Variants in SETD5 observed in about 807,000 individuals in gnomAD.
The protein encoded by SETD5 is histone-lysine N-methyltransferase SETD5.
A neutral mutation model predicts 153.3 loss-of-function variants in SETD5; 44 were observed. The observed-to-expected ratio is 0.29, with a 90% CI of 0.23 to 0.37. The LOEUF is 0.37. SETD5 is among the 10% of genes least tolerant of loss of function. The probability of loss-of-function intolerance (pLI) is 1.00; values close to 1 mark genes in which losing one functional copy is unlikely to be tolerated. For synonymous variants in SETD5, 716 were observed against 645.2 expected (o/e 1.11, Z -1.66); for missense variants, 1,544 against 1,768.0 (o/e 0.87, Z 2.27).
chr3:9,475,254 T>G (rs1411190748), intron 22 of SETD5, 98 bp downstream of exon 22: 2 of 1,258,152 alleles, frequency 1.6e-6, no homozygotes, highest in Non-Finnish European at 2.2e-6. Flanking sequence ...TCTTTGCATA[T>G]AGTTTCAGCA....
At chr3:9,402,659 G>T (rs939113514) in intron 1 of SETD5, among the ~76,000 whole-genome samples, 3 of 152,108 alleles carry the variant, frequency 2.0e-5, no homozygotes, top group African/African-American at 7.2e-5. Context: ...AGCTTTCATG[G>T]CAGTATGAAG....
At chr3:9,437,595 TG>T (rs1267069523) in intron 7 of SETD5, among the ~76,000 whole-genome samples, 1 of 151,602 alleles carries the variant, frequency 6.6e-6, no homozygotes, top group Non-Finnish European at 1.5e-5. Context: ...AAATTATTAC[TG>T]GGGGCTTCAA....
intron 17 of SETD5, among the ~76,000 whole-genome samples, chr3:9,456,163 T>G (rs898748148): frequency 6.6e-6 from 1 of 152,054 alleles, no homozygotes; most frequent in Non-Finnish European, 1.5e-5. Context: ...TCCCCTTTAC[T>G]AACTATATGA....
At chr3:9,447,646 A>G in intron 14 of SETD5, 40 bp from the exon 15 acceptor site, 1 of 1,587,230 alleles carries the variant, frequency 6.3e-7, no homozygotes, top group East Asian at 2.2e-5. Context: ...TTTGCTGATA[A>G]AACATTTCTG....
chr3:9,454,177 G>A (rs1240823736), intron 17 of SETD5: 1 of 164,022 alleles, frequency 6.1e-6, no homozygotes, highest in Non-Finnish European at 1.3e-5. Flanking sequence ...CAAGAAAGTG[G>A]TGGAACACTA....
chr3:9,456,707 G>A (rs145918318), intron 17 of SETD5, among the ~76,000 whole-genome samples: 1 of 152,072 alleles, frequency 6.6e-6, no homozygotes, highest in East Asian at 1.9e-4. Flanking sequence ...GGGTGTGATG[G>A]CTCACGCCTG....
Position 9,462,809 on chromosome 3 carries a change from T to A in SETD5, c.2477-1616T>A, listed in dbSNP as rs944190931. 8.5e-5 allele frequency among the ~76,000 whole-genome samples: 13 copies of A among 152,216 alleles called. No individual in the cohort carries two copies. In the South Asian group the frequency reaches 2.7e-3, roughly 32 times the overall value. ...GTTTTGTCTCTCTCCACACATCAAG[T>A]TTCTCACCTTTAATATGGGGATGAT... On this transcript the variant is annotated intron_variant, in intron 17 of 22. Transcript: ENST00000402198.
chr3:9,460,100 G>A (rs1444590256), intron 17 of SETD5, among the ~76,000 whole-genome samples: 1 of 151,664 alleles, frequency 6.6e-6, no homozygotes, highest in African/African-American at 2.4e-5. Flanking sequence ...TGGTAAAGAG[G>A]GTTAATGTGT....
chr3:9,455,504 A>C (rs1030226410), intron 17 of SETD5, among the ~76,000 whole-genome samples: 1 of 152,182 alleles, frequency 6.6e-6, no homozygotes, highest in Non-Finnish European at 1.5e-5. Context: ...CAGGATAATA[A>C]AATTCCAGTT....
chr3:9,428,216 A>G (rs1387136276), intron 2 of SETD5, among the ~76,000 whole-genome samples: 1 of 152,224 alleles, frequency 6.6e-6, no homozygotes, highest in African/African-American at 2.4e-5. Flanking sequence ...TAAAGTTGCT[A>G]AGATGATTGC....
At chr3:9,435,284 C>G (rs2040432956) in intron 6 of SETD5, among the ~76,000 whole-genome samples, 1 of 151,650 alleles carries the variant, frequency 6.6e-6, no homozygotes, top group Middle Eastern at 3.2e-3. Flanking sequence ...CTTACAAGTT[C>G]CCATGGTCCC....
chr3:9,441,550 T>A, intron 8 of SETD5, 43 bp from the exon 9 acceptor site: 1 of 1,588,470 alleles, frequency 6.3e-7, no homozygotes. Flanking sequence ...TCTACTAAGG[T>A]GTTCTTGCTG....
rs775206155 is a variant in SETD5 at position 9,453,798 on chromosome 3, G to T, written c.2406G>T (p.Glu802Asp). Reference protein sequence around the residue: ...GMTQTSSVPQETRTQHLYQSN... With the variant: ...GMTQTSSVPQDTRTQHLYQSN... ...CTCAAACATCATCTGTACCCCAAGA[G>T]ACTAGAACTCAGCACCTATACCAAA... Residue 802 changes from glutamate (E) to aspartate (D), a missense_variant, in exon 17 of 23, where the codon GAG becomes GAT. Glu to Asp is a conservative substitution (Grantham distance 45). This residue lies in a region of SETD5 where 782 missense variants were observed against 787.2 expected (regional missense o/e 0.99). Transcript: ENST00000402198. 9.3e-6 allele frequency: 15 copies of T among 1,610,070 alleles called. No homozygotes were observed. The Admixed American group carries it at 2.6e-4, about 27-fold the overall frequency.
At chr3:9,465,466 T>A (rs2044444760) in intron 18 of SETD5, among the ~76,000 whole-genome samples, 1 of 152,238 alleles carries the variant, frequency 6.6e-6, no homozygotes, top group Admixed American at 6.5e-5. Flanking sequence ...CTGTCTCTTT[T>A]TTCCTTCTCA....
rs1164278885 is a variant in SETD5 at position 9,452,659 on chromosome 3, A to ATTTTTTTT, written c.2347-1062_2347-1055dup. Among the ~76,000 whole-genome samples, 9 of 59,822 alleles carry ATTTTTTTT rather than the reference A, an allele frequency of 1.5e-4. 1 individual carries two copies. Among genetic ancestry groups the ATTTTTTTT allele is most frequent in the South Asian group, 5.8e-4 (1 of 1,728 alleles). The allele number at this position is 59,822 out of a possible 152,430, so 39.2% of individuals were successfully genotyped here. A position where few individuals can be genotyped will look rare whatever the true frequency, so the allele number is the denominator to read the frequency against. On this transcript the variant is annotated intron_variant, in intron 16 of 22. Transcript: ENST00000402198. ...CACAATGACATTTGTATGATGTAAG[A>ATTTTTTTT]TTTTTTTTTTTTTTTTTTTTTTTTT...
chr3:9,475,521 C>T lies in SETD5; in HGVS notation c.3759C>T (p.Ser1253=). The change falls in exon 23 of 23, where the codon AGC becomes AGT. Residue 1253 remains serine (S), a synonymous_variant. Coordinates refer to ENST00000402198, the MANE Select transcript of SETD5 (RefSeq NM_001080517.3). ...ATAGTCCTCGGACAGAATCACAAAGCCTCCTTCAGCAGAGTTCCTCCCCCT... is the reference window on the plus strand; with the variant it reads ...ATAGTCCTCGGACAGAATCACAAAGTCTCCTTCAGCAGAGTTCCTCCCCCT... ...QCDSPRTESQ[S]LLQQSSSPFR... The T allele has an allele frequency of 6.2e-7, 1 of 1,613,764 alleles. No individual in the cohort carries two copies. Among genetic ancestry groups the T allele is most frequent in the Non-Finnish European group, 8.5e-7 (1 of 1,179,732 alleles).
chr3:9,439,630 C>G (rs953560953), intron 7 of SETD5, among the ~76,000 whole-genome samples: 4 of 152,148 alleles, frequency 2.6e-5, no homozygotes, highest in South Asian at 2.1e-4. Context: ...TGCTTTGTCT[C>G]TGTAGCTCAG....
At chr3:9,456,710 C>T (rs750941493) in intron 17 of SETD5, among the ~76,000 whole-genome samples, 3 of 152,100 alleles carry the variant, frequency 2.0e-5, no homozygotes, top group Non-Finnish European at 4.4e-5. Flanking sequence ...TGTGATGGCT[C>T]ACGCCTGTAA....
rs771574204 is a variant in SETD5 at position 9,435,887 on chromosome 3, C to T, written c.548C>T (p.Pro183Leu). The part of the protein sequence containing the change: ...KKSPEKGRAA[P>L]KTKKIKNSPS... ...AGTCCAGAAAAGGGTCGTGCAGCAC[C>T]AAAGACGAAGAAAATCAAGGTATGC... Residue 183 changes from proline (P) to leucine (L), a missense_variant, in exon 7 of 23, where the codon CCA becomes CTA. Around this residue, in one of 9 missense-constraint regions of SETD5, gnomAD observed 251 missense variants for 326.9 expected, o/e 0.77. Coordinates refer to ENST00000402198, the MANE Select transcript of SETD5 (RefSeq NM_001080517.3). 6.3e-7 allele frequency: 1 copy of T among 1,586,916 alleles called. No homozygotes were observed. Among genetic ancestry groups the T allele is most frequent in the Admixed American group, 1.8e-5 (1 of 54,984 alleles).
Sources: allele counts gnomAD v4.1 joint callset (sites outside exome capture counted in the v4.1 genomes callset), GRCh38; gene constraint gnomAD v4.1.1; regional missense constraint gnomAD v4.1.1; transcripts MANE v1.5; gene names NCBI Gene and HGNC (gene_info 2026-07-23, HGNC 2026-07-21).